SLC39A8: variants seen among roughly 807,000 people sequenced by gnomAD.
SLC39A8 encodes metal cation symporter ZIP8.
Under a neutral mutation model 40.4 loss-of-function variants are expected in SLC39A8, and 15 were observed. The ratio of observed to expected loss-of-function variants is 0.37; its 90% CI spans 0.25 to 0.57. The LOEUF (loss-of-function observed/expected upper bound fraction) is 0.57. SLC39A8 is among the 20% of genes least tolerant of loss of function. The probability of loss-of-function intolerance (pLI) is 0.75; values close to 1 mark genes in which losing one functional copy is unlikely to be tolerated. For missense variants in SLC39A8, 472 were observed against 558.8 expected (o/e 0.84, Z 1.57); for synonymous variants, 223 against 221.6 (o/e 1.01, Z -0.06).
rs77176981 is a variant in SLC39A8 at position 102,343,391 on chromosome 4, A to C, written c.219+1053T>G. Among the ~76,000 whole-genome samples, 1,388 of 152,346 alleles carry C rather than the reference A, an allele frequency of 9.1e-3. 45 individuals carry two copies. The highest frequency in any genetic ancestry group is 0.058 in the Admixed American group (888 of 15,296). On this transcript the variant is annotated intron_variant, in intron 2 of 8. Transcript: ENST00000356736. Reference sequence around the variant, plus strand: ...GGAAACGCCAAATTTCCAAGAGCAGAGTATAATATGCAGCATTTCCCAAAC... The same window carrying C: ...GGAAACGCCAAATTTCCAAGAGCAGCGTATAATATGCAGCATTTCCCAAAC...
intron 6 of SLC39A8, among the ~76,000 whole-genome samples, chr4:102,278,685 C>T (rs1732732899): frequency 1.3e-5 from 2 of 152,140 alleles, no homozygotes; most frequent in South Asian, 4.1e-4. Flanking sequence ...AAGACACATG[C>T]ACATGTATGT....
At chr4:102,251,051 TA>T (rs1248020141), downstream of SLC39A8, 1 of 152,272 alleles carries the variant, frequency 6.6e-6, no homozygotes, top group Non-Finnish European at 1.5e-5. Flanking sequence ...AATGTTTGTT[TA>T]AATTTATTTG....
chr4:102,323,220 A>G (rs1735038450), intron 2 of SLC39A8, among the ~76,000 whole-genome samples: 2 of 152,184 alleles, frequency 1.3e-5, no homozygotes, highest in Middle Eastern at 3.2e-3. Context: ...ATTCTCATTC[A>G]TTTATTCATT....
chr4:102,284,750 G>A (rs1733077276), intron 6 of SLC39A8, among the ~76,000 whole-genome samples: 1 of 152,120 alleles, frequency 6.6e-6, no homozygotes, highest in African/African-American at 2.4e-5. Flanking sequence ...TTTTGCAAAA[G>A]TGATGTTTGT....
At chr4:102,289,702 G>A (rs906453021) in intron 6 of SLC39A8, among the ~76,000 whole-genome samples, 1 of 152,092 alleles carries the variant, frequency 6.6e-6, no homozygotes, top group Non-Finnish European at 1.5e-5. Context: ...AGGAAGTCAC[G>A]GTAGGTGTAC....
At chr4:102,259,374 C>A, downstream of SLC39A8, 1 of 942,134 alleles carries the variant, frequency 1.1e-6, no homozygotes, top group South Asian at 1.6e-5. Flanking sequence ...CATGCACAGT[C>A]ACTGCAGAAG....
chr4:102,312,335 A>C (rs755507409), intron 3 of SLC39A8, among the ~76,000 whole-genome samples: 38 of 152,112 alleles, frequency 2.5e-4, no homozygotes, highest in Non-Finnish European at 4.4e-4. Context: ...CCTAAGAGGC[A>C]TTTCTCTTTT....
intron 6 of SLC39A8, among the ~76,000 whole-genome samples, chr4:102,271,468 T>C (rs1315525480): frequency 6.6e-6 from 1 of 152,132 alleles, no homozygotes; most frequent in African/African-American, 2.4e-5. Context: ...AGGGAGGATA[T>C]ATATAGGTTC....
chr4:102,276,509 C>A (rs573369652), intron 6 of SLC39A8, among the ~76,000 whole-genome samples: 1 of 151,774 alleles, frequency 6.6e-6, no homozygotes, highest in African/African-American at 2.4e-5. Flanking sequence ...TCTTAACAAC[C>A]AAAAAAAGCC....
At chr4:102,300,952 A>T (rs865913172) in intron 6 of SLC39A8, among the ~76,000 whole-genome samples, 6 of 152,116 alleles carry the variant, frequency 3.9e-5, no homozygotes, top group Middle Eastern at 3.4e-3. Flanking sequence ...TCTGTTGCTC[A>T]ATTTGTTTAA....
Position 102,263,191 on chromosome 4 carries a change from A to G in SLC39A8, c.1236T>C (p.Phe412=), listed in dbSNP as rs760216113. ...CTCTCAGCATATCATTCATCTCTGG[A>G]AACTAGAAGACAGATATATTGTTAG... ...MFLYISLADM[F]PEMNDMLREK... The change falls in exon 9 of 9, where the codon TTT becomes TTC. Residue 412 remains phenylalanine (F), a splice_region_variant and synonymous_variant. Coordinates refer to ENST00000356736, the MANE Select transcript of SLC39A8 (RefSeq NM_001135146.2). The G allele has an allele frequency of 6.2e-7, 1 of 1,613,088 alleles. No individual in the cohort carries two copies. The highest frequency in any genetic ancestry group is 1.1e-5 in the South Asian group (1 of 90,982).
rs1007785792 is a variant in SLC39A8 at position 102,262,860 on chromosome 4, T to C, written c.*184A>G. 3 of 1,367,344 alleles carry C rather than the reference T, an allele frequency of 2.2e-6. No individual in the cohort carries two copies. The highest frequency in any genetic ancestry group is 3.0e-5 in the African/African-American group (2 of 67,604). The allele number at this position is 1,367,344 out of a possible 1,614,324, so 84.7% of individuals were successfully genotyped here. On this transcript the variant is annotated 3_prime_UTR_variant, in exon 9 of 9. Coordinates refer to ENST00000356736, the MANE Select transcript of SLC39A8 (RefSeq NM_001135146.2). ...ATCTCAGACTGACACTGAAAACCTT[T>C]TGAAGCATTTTTAACAACAAATAAT...
At chr4:102,340,328 T>C (rs1393014352) in intron 2 of SLC39A8, among the ~76,000 whole-genome samples, 1 of 152,134 alleles carries the variant, frequency 6.6e-6, no homozygotes, top group Non-Finnish European at 1.5e-5. Context: ...ATAATTTACA[T>C]GTTATAATAT....
At chr4:102,312,530 T>C (rs977978940) in intron 3 of SLC39A8, among the ~76,000 whole-genome samples, 6 of 152,070 alleles carry the variant, frequency 3.9e-5, no homozygotes, top group Admixed American at 3.3e-4. Flanking sequence ...AAAATTACTT[T>C]TGAATATGAG....
chr4:102,312,271 C>T (rs61352680), intron 3 of SLC39A8, among the ~76,000 whole-genome samples: 8 of 152,012 alleles, frequency 5.3e-5, no homozygotes, highest in South Asian at 2.1e-4. Flanking sequence ...CATATCTTCT[C>T]CCCCCGATCC....
At chr4:102,267,254 A>G (rs1247217607) in intron 8 of SLC39A8, among the ~76,000 whole-genome samples, 1 of 146,374 alleles carries the variant, frequency 6.8e-6, no homozygotes, top group East Asian at 2.0e-4. Context: ...AAAACAAATC[A>G]TTTCACCTTC....
chr4:102,266,055 C>G (rs926031815), intron 8 of SLC39A8, among the ~76,000 whole-genome samples: 1 of 152,164 alleles, frequency 6.6e-6, no homozygotes, highest in African/African-American at 2.4e-5. Context: ...CATCTCTCAT[C>G]ATATATTCTA....
At chr4:102,322,259 A>G (rs761694325) in intron 2 of SLC39A8, among the ~76,000 whole-genome samples, 6 of 152,210 alleles carry the variant, frequency 3.9e-5, no homozygotes, top group Admixed American at 2.0e-4. Context: ...AAGTGGAGAA[A>G]GACAGATTTT....
chr4:102,283,725 T>G (rs1446227547), intron 6 of SLC39A8, among the ~76,000 whole-genome samples: 1 of 152,250 alleles, frequency 6.6e-6, no homozygotes, highest in Non-Finnish European at 1.5e-5. Flanking sequence ...AATGTAATTT[T>G]GGAGCCAATG....
Sources: allele counts gnomAD v4.1 joint callset (sites outside exome capture counted in the v4.1 genomes callset), GRCh38; gene constraint gnomAD v4.1.1; transcripts MANE v1.5; gene names NCBI Gene and HGNC (gene_info 2026-07-23, HGNC 2026-07-21).